The following CADPS variants were observed in gnomAD, a reference collection of about 807,000 sequenced individuals.
The protein encoded by CADPS is calcium-dependent secretion activator 1.
In CADPS, 57 loss-of-function variants were observed where a neutral mutation model predicts 167.3. That is an observed-to-expected ratio of 0.34 (90% CI 0.28 to 0.42). The LOEUF (loss-of-function observed/expected upper bound fraction) is 0.42, where lower values mean the gene tolerates loss of function less well. CADPS is among the 20% of genes least tolerant of loss of function. CADPS has a pLI of 1.00. For missense variants in CADPS, 1,414 were observed against 1,738.1 expected (o/e 0.81, Z 3.32); for synonymous variants, 676 against 635.3 (o/e 1.06, Z -0.96).
intron 26 of CADPS, among the ~76,000 whole-genome samples, 175 bp from the exon 27 acceptor site, chr3:62,445,972 A>G (rs2057160469): frequency 6.6e-6 from 1 of 152,230 alleles, no homozygotes; most frequent in African/African-American, 2.4e-5. Context: ...AGCCATAGCC[A>G]CTGCTTTGCA....
intron 1 of CADPS, among the ~76,000 whole-genome samples, chr3:62,767,142 T>C (rs2087101828): frequency 6.6e-6 from 1 of 152,184 alleles, no homozygotes; most frequent in South Asian, 2.1e-4. Flanking sequence ...CTTAAAAAAG[T>C]TAAATTTTTG....
intron 24 of CADPS, among the ~76,000 whole-genome samples, chr3:62,472,998 C>A (rs1170712590): frequency 6.6e-6 from 1 of 152,174 alleles, no homozygotes; most frequent in African/African-American, 2.4e-5. Flanking sequence ...ACACCGCAGA[C>A]CTATCTGAAA....
intron 3 of CADPS, among the ~76,000 whole-genome samples, chr3:62,672,517 ACT>A (rs2075709071): frequency 6.6e-6 from 1 of 151,774 alleles, no homozygotes; most frequent in Admixed American, 6.6e-5. Flanking sequence ...ATCTCCCACC[ACT>A]CTGTCTTGTT....
intron 3 of CADPS, among the ~76,000 whole-genome samples, chr3:62,729,430 C>A (rs2077337433): frequency 6.6e-6 from 1 of 151,746 alleles, no homozygotes; most frequent in East Asian, 1.9e-4. Flanking sequence ...GCTAATTCAG[C>A]CCCATAATGA....
rs2076124846 is a variant in CADPS, at chr3:62,544,188, C to G, written c.1966+5715G>C. 1.3e-5 allele frequency among the ~76,000 whole-genome samples: 2 copies of G among 152,006 alleles called. No individual in the cohort carries two copies. The highest frequency in any genetic ancestry group is 4.8e-5 in the African/African-American group (2 of 41,396). ...TGTGCTAGTTCCATGTATTGTAGCT[C>G]TCCTTTCAAAATTAATCCTCTATTG... On this transcript the variant is annotated intron_variant, in intron 11 of 29. Transcript: ENST00000383710. The surrounding 1 kb of genome is among the most constrained non-coding windows in gnomAD (Gnocchi z 4.4).
At chr3:62,576,616 A>C (rs2082312637) in intron 8 of CADPS, among the ~76,000 whole-genome samples, 2 of 89,828 alleles carry the variant, frequency 2.2e-5, no homozygotes, top group Admixed American at 1.5e-4. Context: ...CATGGTGAAG[A>C]CCCATTTCTA....
chr3:62,781,888 C>A (rs901064884), intron 1 of CADPS, among the ~76,000 whole-genome samples: 4 of 152,216 alleles, frequency 2.6e-5, no homozygotes, highest in Admixed American at 1.3e-4. Flanking sequence ...ACAGCCTTCG[C>A]TTCACTGAAA....
At position 62,753,823 on chromosome 3, in the gene CADPS, G is replaced by A. The variant is rs375234569; in HGVS notation, c.556-50C>T. 2.2e-5 allele frequency: 34 copies of A among 1,530,836 alleles called. No homozygotes were observed. The highest frequency in any genetic ancestry group is 3.8e-5 in the South Asian group (3 of 79,806). 94.8% of individuals were successfully genotyped at this position (1,530,836 alleles called of 1,614,324 possible). On this transcript the variant is annotated intron_variant, in intron 2 of 29. Transcript: ENST00000383710. This position sits in a 1 kb window ranked among gnomAD's most constrained non-coding sequence, Gnocchi z 4.6. Reference sequence around the variant, plus strand: ...GACAGTAGGAGAGTTTACCACAGAGGTACCAGTTCCCTGGGGCTGGACACT... The same window carrying A: ...GACAGTAGGAGAGTTTACCACAGAGATACCAGTTCCCTGGGGCTGGACACT...
intron 4 of CADPS, 61 bp downstream of exon 4, chr3:62,662,253 A>G (rs6770658): frequency 0.69 from 926,191 of 1,337,380 alleles, 328,582 homozygotes; most frequent in African/African-American, 0.84. Flanking sequence ...TCAATAATCA[A>G]TGTGCTTCCT....
chr3:62,735,077 G>C (rs975844904), intron 3 of CADPS, among the ~76,000 whole-genome samples: 2 of 151,986 alleles, frequency 1.3e-5, no homozygotes, highest in African/African-American at 2.4e-5. Flanking sequence ...TGCACAAGAA[G>C]TATTTATAAC....
At chr3:62,685,371 G>C (rs1248445590) in intron 3 of CADPS, among the ~76,000 whole-genome samples, 1 of 151,908 alleles carries the variant, frequency 6.6e-6, no homozygotes, top group Non-Finnish European at 1.5e-5. Flanking sequence ...AATGCGTAGA[G>C]TTTATATGGA....
chr3:62,831,105 T>C (rs1048436692), intron 1 of CADPS, among the ~76,000 whole-genome samples: 1 of 152,158 alleles, frequency 6.6e-6, no homozygotes, highest in Non-Finnish European at 1.5e-5. Flanking sequence ...ATGGACCTCT[T>C]TAAAGTCCTG....
chr3:62,836,059 G>C (rs953362708), intron 1 of CADPS, among the ~76,000 whole-genome samples: 2 of 149,854 alleles, frequency 1.3e-5, no homozygotes, highest in African/African-American at 4.8e-5. Context: ...GCACCCTCTG[G>C]TTAATCCAGT....
At chr3:62,782,723 G>A (rs1279305753) in intron 1 of CADPS, among the ~76,000 whole-genome samples, 2 of 151,962 alleles carry the variant, frequency 1.3e-5, no homozygotes, top group African/African-American at 2.4e-5. Context: ...CATAAGCATG[G>A]GATTTTAGGA....
chr3:62,866,433 T>C (rs1044541113), intron 1 of CADPS, among the ~76,000 whole-genome samples: 1 of 151,968 alleles, frequency 6.6e-6, no homozygotes, highest in Non-Finnish European at 1.5e-5. Context: ...CAGGTACTGT[T>C]TTGGGAGATG....
rs1020498449 is a variant in CADPS, at chr3:62,438,303, C to T, written c.3670-92G>A. On this transcript the variant is annotated intron_variant, in intron 27 of 29. Coordinates refer to ENST00000383710, the MANE Select transcript of CADPS (RefSeq NM_003716.4). The surrounding 1 kb of genome is among the most constrained non-coding windows in gnomAD (Gnocchi z 4.7). ...CTTGTACCCTCTACTTGCCCTCACA[C>T]ACCCTGAGATGCTTCTGCTGGATCA... 4.6e-6 allele frequency: 4 copies of T among 867,782 alleles called. No individual in the cohort carries two copies. The highest frequency in any genetic ancestry group is 3.9e-5 in the Admixed American group (2 of 51,042). 53.8% of individuals were successfully genotyped at this position (867,782 alleles called of 1,614,324 possible). A position where few individuals can be genotyped will look rare whatever the true frequency, so the allele number is the denominator to read the frequency against.
intron 23 of CADPS, among the ~76,000 whole-genome samples, chr3:62,476,061 CA>C (rs1221058699): frequency 6.6e-6 from 1 of 152,168 alleles, no homozygotes; most frequent in Admixed American, 6.5e-5. Context: ...GGGCAAAAGA[CA>C]GCATGCCTTG....
At chr3:62,742,179 T>C (rs1038591590) in intron 3 of CADPS, among the ~76,000 whole-genome samples, 2 of 152,106 alleles carry the variant, frequency 1.3e-5, no homozygotes, top group Non-Finnish European at 2.9e-5. Context: ...AGAATCAATA[T>C]TGTTAAAATG....
At chr3:62,873,555 C>T (rs562591155) in intron 1 of CADPS, among the ~76,000 whole-genome samples, 2 of 151,874 alleles carry the variant, frequency 1.3e-5, no homozygotes, top group Non-Finnish European at 2.9e-5. Flanking sequence ...GCCACTGCCC[C>T]TCATCTTGCA....
Sources: allele counts gnomAD v4.1 joint callset (sites outside exome capture counted in the v4.1 genomes callset), GRCh38; gene constraint gnomAD v4.1.1; non-coding constraint Gnocchi (gnomAD v3.1); transcripts MANE v1.5; gene names NCBI Gene and HGNC (gene_info 2026-07-23, HGNC 2026-07-21).